SEPTIN3: variants seen among roughly 807,000 people sequenced by gnomAD.
The protein encoded by SEPTIN3 is neuronal-specific septin-3.
SEPTIN3 carries 15 observed loss-of-function variants against 45.1 expected under a neutral mutation model. The ratio of observed to expected loss-of-function variants is 0.33; its 90% confidence interval spans 0.22 to 0.51. SEPTIN3 has a LOEUF of 0.51. Ranked by LOEUF, SEPTIN3 falls within the 20% of genes least tolerant of loss-of-function variation. The pLI is 0.97. For synonymous variants in SEPTIN3, 148 were observed against 164.8 expected (o/e 0.90, Z 0.78); for missense variants, 289 against 457.2 (o/e 0.63, Z 3.35).
chr22:41,988,678 T>G (rs2078249293), intron 6 of SEPTIN3, among the ~76,000 whole-genome samples: 1 of 152,064 alleles, frequency 6.6e-6, no homozygotes, highest in Non-Finnish European at 1.5e-5. Context: ...TCCCTGAGAT[T>G]GCAAAATAGA....
At chr22:41,974,860 GA>G (rs55642127) in intron 2 of SEPTIN3, among the ~76,000 whole-genome samples, 1,071 of 74,182 alleles carry the variant, frequency 0.014, 2 homozygotes, top group African/African-American at 0.038. Context: ...GTCTCAAAAA[GA>G]AAAAAAAAAA....
chr22:41,971,000 A>G (rs1163663765), intron 1 of SEPTIN3, among the ~76,000 whole-genome samples: 3 of 151,892 alleles, frequency 2.0e-5, no homozygotes, highest in Non-Finnish European at 4.4e-5. Flanking sequence ...CTGAGCTCCT[A>G]TGTTGGCTGC....
At chr22:41,973,207 C>T (rs1157364775) in intron 2 of SEPTIN3, among the ~76,000 whole-genome samples, 1 of 152,038 alleles carries the variant, frequency 6.6e-6, no homozygotes, top group Non-Finnish European at 1.5e-5. Flanking sequence ...AGTCTGAGGT[C>T]AGGCTGAGGG....
At chr22:41,974,352 C>A (rs576576730) in intron 2 of SEPTIN3, among the ~76,000 whole-genome samples, 2 of 151,840 alleles carry the variant, frequency 1.3e-5, no homozygotes, top group Non-Finnish European at 2.9e-5. Flanking sequence ...GGGTGGATCA[C>A]GAGGTGAGTT....
intron 2 of SEPTIN3, chr22:41,977,154 G>C: frequency 1.4e-6 from 2 of 1,462,700 alleles, no homozygotes; most frequent in Non-Finnish European, 1.8e-6. Flanking sequence ...GCGCTCCTGG[G>C]GGAGGGTTTC....
At chr22:41,990,762 A>AAG (rs1225259307) in intron 7 of SEPTIN3, among the ~76,000 whole-genome samples, 1 of 143,322 alleles carries the variant, frequency 7.0e-6, no homozygotes, top group African/African-American at 2.7e-5. Flanking sequence ...AAAAAAAAAA[A>AAG]AAAAAAGAAA....
At chr22:41,984,845 C>CTTTT (rs11380985) in intron 3 of SEPTIN3, among the ~76,000 whole-genome samples, 98 of 100,674 alleles carry the variant, frequency 9.7e-4, no homozygotes, top group East Asian at 3.3e-3. Context: ...GTGGTTTTCC[C>CTTTT]TTTTTTTTTT....
intron 4 of SEPTIN3, 99 bp downstream of exon 4, chr22:41,986,211 G>C: frequency 6.9e-7 from 1 of 1,453,216 alleles, no homozygotes; most frequent in South Asian, 1.3e-5. Flanking sequence ...ATCAATAAAA[G>C]GCAACCTTAA....
rs35615355 is a variant in SEPTIN3 at position 41,974,141 on chromosome 22, C to CAAA, written c.1504+1158_1504+1160dup. 3.7e-4 allele frequency among the ~76,000 whole-genome samples: 47 copies of CAAA among 126,094 alleles called. No homozygotes were observed. In the East Asian group the frequency reaches 6.4e-3, roughly 17 times the overall value. The allele number at this position is 126,094 out of a possible 152,430, so 82.7% of individuals were successfully genotyped here. A position where few individuals can be genotyped will look rare whatever the true frequency, so the allele number is the denominator to read the frequency against. On this transcript the variant is annotated intron_variant, in intron 2 of 11. Transcript: ENST00000644076. ...TGTGCGACAGAGCAAGACCCTGTCT[C>CAAA]AAAAAAAAAAAAAAAGAAAAGAAAA...
intron 6 of SEPTIN3, among the ~76,000 whole-genome samples, chr22:41,989,183 GTTT>G (rs2078260112): frequency 6.8e-6 from 1 of 146,242 alleles, no homozygotes; most frequent in African/African-American, 2.5e-5. Context: ...GGTTGTTGTT[GTTT>G]GTTTTTTGTT....
intron 4 of SEPTIN3, among the ~76,000 whole-genome samples, chr22:41,986,658 C>A (rs1254627310): frequency 6.6e-6 from 1 of 152,056 alleles, no homozygotes; most frequent in Non-Finnish European, 1.5e-5. Flanking sequence ...CGCCACCACG[C>A]CCGGCTAATT....
intron 1 of SEPTIN3, among the ~76,000 whole-genome samples, chr22:41,969,982 G>T (rs1402952945): frequency 6.6e-6 from 1 of 152,068 alleles, no homozygotes; most frequent in Admixed American, 6.6e-5. Flanking sequence ...TGGAGGCCAG[G>T]ACAGTCTTGG....
intron 11 of SEPTIN3, 90 bp from the exon 12 acceptor site, chr22:41,996,812 A>G: frequency 6.3e-7 from 1 of 1,580,626 alleles, no homozygotes; most frequent in African/African-American, 1.3e-5. Context: ...CCCCTGAACC[A>G]TGATCTGAGC....
intron 6 of SEPTIN3, among the ~76,000 whole-genome samples, chr22:41,988,794 TAGG>T (rs1262268250): frequency 2.6e-5 from 4 of 152,034 alleles, no homozygotes; most frequent in Non-Finnish European, 5.9e-5. Context: ...CTCTGGGGGC[TAGG>T]AGGAGACCTG....
intron 11 of SEPTIN3, chr22:41,996,431 G>A: frequency 4.1e-6 from 4 of 986,952 alleles, no homozygotes; most frequent in Non-Finnish European, 4.8e-6. Flanking sequence ...ATGAATCCCA[G>A]CACTTATAAT....
chr22:41,975,563 T>G (rs1267995403), intron 2 of SEPTIN3, among the ~76,000 whole-genome samples: 2 of 152,160 alleles, frequency 1.3e-5, no homozygotes, highest in Non-Finnish European at 2.9e-5. Context: ...CCCGGATGTC[T>G]CCCGGGCATG....
intron 7 of SEPTIN3, among the ~76,000 whole-genome samples, chr22:41,990,553 G>T (rs780068887): frequency 1.4e-5 from 2 of 146,508 alleles, no homozygotes; most frequent in East Asian, 2.1e-4. Context: ...AGACCATCCT[G>T]GCTAACACGG....
intron 2 of SEPTIN3, among the ~76,000 whole-genome samples, chr22:41,978,145 CTG>C (rs1183010998): frequency 2.0e-5 from 3 of 152,234 alleles, no homozygotes; most frequent in Non-Finnish European, 4.4e-5. Context: ...ACTCCCTTGA[CTG>C]TGGCGGAGAC....
intron 11 of SEPTIN3, 135 bp from the exon 12 acceptor site, chr22:41,996,767 G>C: frequency 6.6e-7 from 1 of 1,524,488 alleles, no homozygotes; most frequent in Non-Finnish European, 8.8e-7. Flanking sequence ...TGGGAGGTGG[G>C]CGTTGGAAAG....
Sources: gnomAD v4.1 joint callset for allele counts (sites outside exome capture counted in the v4.1 genomes callset) on GRCh38, gnomAD v4.1.1 for gene constraint, MANE v1.5 for transcripts, NCBI Gene and HGNC (gene_info 2026-07-23, HGNC 2026-07-21) for gene names.